The following XKR6 variants were observed in gnomAD, a reference collection of about 807,000 sequenced individuals.
XKR6 encodes the protein XK related 6.
XKR6 carries 22 observed loss-of-function variants against 56.7 expected under a neutral mutation model. The observed-to-expected ratio is 0.39, with a 90% CI of 0.28 to 0.55. XKR6 has a LOEUF of 0.55. Ranked by LOEUF, XKR6 falls within the 20% of genes least tolerant of loss-of-function variation. The pLI is 0.66. For missense variants in XKR6, 852 were observed against 889.0 expected (o/e 0.96, Z 0.53); for synonymous variants, 524 against 387.8 (o/e 1.35, Z -4.13).
chr8:10,902,861 G>A (rs1386694970), intron 2 of XKR6, among the ~76,000 whole-genome samples: 1 of 152,186 alleles, frequency 6.6e-6, no homozygotes, highest in Non-Finnish European at 1.5e-5. Flanking sequence ...GACTTGCCTG[G>A]GGGAGGTCAA....
chr8:11,120,555 G>T (rs7005680), intron 1 of XKR6, among the ~76,000 whole-genome samples: 82,777 of 151,696 alleles, frequency 0.55, 24,711 homozygotes, highest in African/African-American at 0.76. Context: ...ACAAATGGAA[G>T]AACATTCCAT....
intron 1 of XKR6, among the ~76,000 whole-genome samples, chr8:11,011,690 T>G (rs1039612365): frequency 6.6e-6 from 1 of 152,082 alleles, no homozygotes; most frequent in Admixed American, 6.5e-5. Context: ...AGGGAATGCC[T>G]GGGGACAGAG....
intron 1 of XKR6, among the ~76,000 whole-genome samples, chr8:11,009,328 T>A (rs1028971101): frequency 2.6e-5 from 4 of 152,022 alleles, no homozygotes; most frequent in Admixed American, 6.6e-5. Context: ...CTGGGTAACA[T>A]GGAGAGACCC....
chr8:10,988,613 A>G (rs1292295598), intron 1 of XKR6, among the ~76,000 whole-genome samples: 1 of 152,228 alleles, frequency 6.6e-6, no homozygotes, highest in Non-Finnish European at 1.5e-5. Context: ...GACTGAGTCC[A>G]TGATCTACTG....
At chr8:11,093,248 T>G (rs866481608) in intron 1 of XKR6, among the ~76,000 whole-genome samples, 3 of 151,986 alleles carry the variant, frequency 2.0e-5, no homozygotes, top group Non-Finnish European at 4.4e-5. Flanking sequence ...AGAGACAGGC[T>G]TTCACCATGT....
chr8:10,970,095 T>C (rs1295038733), intron 1 of XKR6, among the ~76,000 whole-genome samples: 1 of 152,012 alleles, frequency 6.6e-6, no homozygotes, highest in Non-Finnish European at 1.5e-5. Context: ...CTCGCAGGAG[T>C]GGGCTGTTGG....
intron 1 of XKR6, among the ~76,000 whole-genome samples, chr8:10,926,944 T>A (rs1012461293): frequency 1.3e-5 from 2 of 151,718 alleles, no homozygotes; most frequent in South Asian, 4.2e-4. Context: ...GGCAGAGACA[T>A]AGAGATAGAC....
At chr8:11,097,595 G>A (rs1385545487) in intron 1 of XKR6, among the ~76,000 whole-genome samples, 3 of 151,688 alleles carry the variant, frequency 2.0e-5, no homozygotes, top group Admixed American at 2.0e-4. Flanking sequence ...ATCAACCGAG[G>A]TCAGGAGTTC....
At chr8:11,167,683 T>C (rs57750289) in intron 1 of XKR6, among the ~76,000 whole-genome samples, 1 of 152,160 alleles carries the variant, frequency 6.6e-6, no homozygotes, top group Non-Finnish European at 1.5e-5. Flanking sequence ...TTTTTCACCT[T>C]AGGCTAAATA....
intron 1 of XKR6, among the ~76,000 whole-genome samples, chr8:10,983,890 C>T (rs1254652287): frequency 3.3e-5 from 5 of 152,078 alleles, no homozygotes; most frequent in Admixed American, 6.6e-5. Context: ...CTCCTGACCT[C>T]GTGATTCGCC....
chr8:10,965,947 C>A (rs985242013), intron 1 of XKR6, among the ~76,000 whole-genome samples: 1 of 152,228 alleles, frequency 6.6e-6, no homozygotes, highest in African/African-American at 2.4e-5. Context: ...CTCTAGGATT[C>A]CTCAAGGGCA....
chr8:11,056,573 G>A (rs1799690260), intron 1 of XKR6, among the ~76,000 whole-genome samples: 1 of 152,168 alleles, frequency 6.6e-6, no homozygotes, highest in Non-Finnish European at 1.5e-5. Context: ...GGCACCTCTG[G>A]CTGTCTGACC....
chr8:11,120,792 C>T (rs1287398887), intron 1 of XKR6, among the ~76,000 whole-genome samples: 3 of 152,236 alleles, frequency 2.0e-5, no homozygotes, highest in South Asian at 2.1e-4. Flanking sequence ...AACTATACTA[C>T]GAGGCTACAG....
chr8:10,975,246 G>A (rs1222536439), intron 1 of XKR6, among the ~76,000 whole-genome samples: 9 of 152,228 alleles, frequency 5.9e-5, no homozygotes, highest in African/African-American at 2.2e-4. Context: ...CAGGGGGAGT[G>A]TGGGTGGCAC....
chr8:11,025,579 G>C (rs1433316384), intron 1 of XKR6, among the ~76,000 whole-genome samples: 1 of 152,190 alleles, frequency 6.6e-6, no homozygotes, highest in African/African-American at 2.4e-5. Context: ...TAAGTACACG[G>C]AAAGAAGTGA....
intron 1 of XKR6, among the ~76,000 whole-genome samples, chr8:11,139,566 C>T (rs1183781640): frequency 2.6e-5 from 4 of 152,104 alleles, no homozygotes; most frequent in African/African-American, 7.2e-5. Context: ...TCCTGGAACT[C>T]GGAAAACAGA....
intron 1 of XKR6, among the ~76,000 whole-genome samples, chr8:11,042,822 T>G (rs1799318686): frequency 6.6e-6 from 1 of 152,244 alleles, no homozygotes; most frequent in Admixed American, 6.5e-5. Flanking sequence ...AGTGGACCCT[T>G]CCATGGCCCC....
At chr8:11,046,535 C>T (rs1799415572) in intron 1 of XKR6, among the ~76,000 whole-genome samples, 1 of 152,158 alleles carries the variant, frequency 6.6e-6, no homozygotes, top group African/African-American at 2.4e-5. Context: ...GTAGAAGTAA[C>T]TCAAGTGTTC....
At chr8:11,127,688 T>C (rs1799881805) in intron 1 of XKR6, among the ~76,000 whole-genome samples, 2 of 152,202 alleles carry the variant, frequency 1.3e-5, no homozygotes, top group South Asian at 4.1e-4. Flanking sequence ...AGGCCCACCT[T>C]ACCCAGATAA....
Sources: allele counts gnomAD v4.1 joint callset (sites outside exome capture counted in the v4.1 genomes callset), GRCh38; gene constraint gnomAD v4.1.1; transcripts MANE v1.5; gene names NCBI Gene and HGNC (gene_info 2026-07-23, HGNC 2026-07-21).